GMDS: variants seen among roughly 807,000 people sequenced by gnomAD.
GMDS encodes the protein GDP-mannose 4,6 dehydratase.
GMDS carries 20 observed loss-of-function variants against 49.9 expected under a neutral mutation model. That is an observed-to-expected ratio of 0.40 (90% CI 0.28 to 0.58). The LOEUF (loss-of-function observed/expected upper bound fraction) is 0.58, where lower values mean the gene tolerates loss of function less well. GMDS is among the 20% of genes least tolerant of loss of function. The pLI is 0.42. For missense variants in GMDS, 362 were observed against 481.4 expected, an observed-to-expected ratio of 0.75 and a Z score of 2.32; for synonymous variants, 177 against 178.6, an observed-to-expected ratio of 0.99 and a Z score of 0.07.
intron 7 of GMDS, among the ~76,000 whole-genome samples, chr6:1,841,172 G>A (rs1457879717): frequency 6.6e-6 from 1 of 152,126 alleles, no homozygotes; most frequent in African/African-American, 2.4e-5. Context: ...GGTAAGTCAT[G>A]GGCATTTACC....
intron 4 of GMDS, among the ~76,000 whole-genome samples, chr6:2,018,574 T>A (rs941810729): frequency 1.8e-4 from 28 of 152,216 alleles, no homozygotes; most frequent in African/African-American, 6.8e-4. Flanking sequence ...AAACTCTTCA[T>A]ATTAATGGAA....
chr6:1,991,330 G>C (rs1290587598), intron 4 of GMDS, among the ~76,000 whole-genome samples: 1 of 151,900 alleles, frequency 6.6e-6, no homozygotes, highest in African/African-American at 2.4e-5. Context: ...GTGCTCAAGG[G>C]CCCCCCTAAA....
chr6:1,650,116 C>T (rs906891029), intron 9 of GMDS, among the ~76,000 whole-genome samples: 5 of 152,212 alleles, frequency 3.3e-5, no homozygotes, highest in African/African-American at 7.2e-5. Flanking sequence ...CCCTCGGCCA[C>T]GCAGCTCTGA....
intron 7 of GMDS, among the ~76,000 whole-genome samples, chr6:1,915,486 T>A (rs1761331936): frequency 6.6e-6 from 1 of 152,166 alleles, no homozygotes; most frequent in South Asian, 2.1e-4. Context: ...AGCTCCCAGC[T>A]CCGGAGGAGG....
chr6:1,701,304 C>T (rs1032666831), intron 9 of GMDS, among the ~76,000 whole-genome samples: 26 of 152,198 alleles, frequency 1.7e-4, no homozygotes, highest in African/African-American at 6.0e-4. Context: ...ACATTTCTTT[C>T]ATTGTTCACT....
At chr6:2,005,713 C>A (rs1767120755) in intron 4 of GMDS, among the ~76,000 whole-genome samples, 1 of 152,160 alleles carries the variant, frequency 6.6e-6, no homozygotes, top group African/African-American at 2.4e-5. Flanking sequence ...AGAGGTCTGC[C>A]AACTGGCACA....
chr6:2,070,399 CG>C (rs1562026386), intron 4 of GMDS, among the ~76,000 whole-genome samples: 1 of 151,438 alleles, frequency 6.6e-6, no homozygotes, highest in East Asian at 1.9e-4. Flanking sequence ...GCACATGTAC[CG>C]TAAAACCTAA....
intron 7 of GMDS, among the ~76,000 whole-genome samples, chr6:1,865,901 G>A (rs976828626): frequency 6.6e-6 from 1 of 152,072 alleles, no homozygotes; most frequent in East Asian, 1.9e-4. Context: ...AAAAAAAAAT[G>A]CATGGCTATA....
intron 1 of GMDS, among the ~76,000 whole-genome samples, chr6:2,219,443 A>C (rs1033446047): frequency 1.3e-5 from 2 of 152,178 alleles, no homozygotes; most frequent in East Asian, 3.9e-4. Context: ...TTTACACAGG[A>C]TCCTCTAAAC....
At chr6:1,729,694 C>T (rs1766722778) in intron 8 of GMDS, among the ~76,000 whole-genome samples, 1 of 152,172 alleles carries the variant, frequency 6.6e-6, no homozygotes, top group African/African-American at 2.4e-5. Flanking sequence ...GTGACGGTGG[C>T]TTGACAGAGA....
chr6:2,238,332 A>G (rs1012743279), intron 1 of GMDS, among the ~76,000 whole-genome samples: 4 of 152,170 alleles, frequency 2.6e-5, no homozygotes, highest in Non-Finnish European at 5.9e-5. Context: ...GCAGCGAGCT[A>G]TGATTGCACC....
At chr6:2,073,668 C>T (rs1344147287) in intron 4 of GMDS, among the ~76,000 whole-genome samples, 2 of 152,220 alleles carry the variant, frequency 1.3e-5, no homozygotes, top group East Asian at 3.9e-4. Flanking sequence ...CCCTGCCACC[C>T]ACACATCCTT....
At chr6:1,846,137 G>A in intron 7 of GMDS, among the ~76,000 whole-genome samples, 1 of 147,258 alleles carries the variant, frequency 6.8e-6, no homozygotes, top group East Asian at 2.0e-4. Flanking sequence ...CTGTGACCCA[G>A]GCTGGAGTGC....
chr6:1,717,952 T>A (rs1030758668), intron 9 of GMDS, among the ~76,000 whole-genome samples: 2 of 152,220 alleles, frequency 1.3e-5, no homozygotes, highest in African/African-American at 4.8e-5. Context: ...GAAGTAATCA[T>A]CTGCCAATTA....
rs117279073 is a variant in GMDS, at chr6:1,778,239, A to G, written c.772-35653T>C. 5.8e-4 allele frequency among the ~76,000 whole-genome samples: 89 copies of G among 152,316 alleles called. 1 individual carries two copies. In the East Asian group the frequency reaches 0.015, roughly 26 times the overall value. ...TGACTATTTATATGACAGGTAAGGG[A>G]ATAACTTTGCTGGATTCTGTTACAC... On this transcript the variant is annotated intron_variant, in intron 7 of 10. Transcript: ENST00000380815. The surrounding 1 kb of genome is among the most constrained non-coding windows in gnomAD (Gnocchi z 4.6).
At chr6:1,756,324 C>T (rs566039523) in intron 7 of GMDS, among the ~76,000 whole-genome samples, 17 of 148,614 alleles carry the variant, frequency 1.1e-4, no homozygotes, top group Middle Eastern at 3.5e-3. Context: ...AGTACAATGG[C>T]GCAATCTCAG....
chr6:1,717,579 C>A (rs1766219475), intron 9 of GMDS: 1 of 152,174 alleles, frequency 6.6e-6, no homozygotes, highest in South Asian at 2.1e-4. Context: ...ATCCTTTCTA[C>A]CCCTGGGTCA....
At chr6:2,030,575 G>A (rs75142467) in intron 4 of GMDS, among the ~76,000 whole-genome samples, 3 of 152,072 alleles carry the variant, frequency 2.0e-5, no homozygotes, top group Admixed American at 6.5e-5. Context: ...TAAGTCTCAG[G>A]GCTCTAAATG....
chr6:2,142,493 T>C (rs2127529689), intron 1 of GMDS, among the ~76,000 whole-genome samples: 1 of 152,234 alleles, frequency 6.6e-6, no homozygotes, highest in Non-Finnish European at 1.5e-5. Context: ...TGAAGTGGAA[T>C]GGTGTTTCTA....
Sources: allele counts gnomAD v4.1 joint callset (sites outside exome capture counted in the v4.1 genomes callset), GRCh38; gene constraint gnomAD v4.1.1; non-coding constraint Gnocchi (gnomAD v3.1); transcripts MANE v1.5; gene names NCBI Gene and HGNC (gene_info 2026-07-23, HGNC 2026-07-21).